Variants in TRPA1 observed in about 807,000 individuals in gnomAD.
The protein encoded by TRPA1 is ankyrin-like with transmembrane domains 1.
A neutral mutation model predicts 131.3 loss-of-function variants in TRPA1; 129 were observed. That is an observed-to-expected ratio of 0.98 (90% CI 0.85 to 1.14). TRPA1 has a LOEUF of 1.14. TRPA1 is among the 50% of genes most tolerant of loss of function. The pLI, the probability that TRPA1 is intolerant of heterozygous loss-of-function variation, is 0.00. For missense variants in TRPA1, 1,304 were observed against 1,354.2 expected, an observed-to-expected ratio of 0.96 and a Z score of 0.58; for synonymous variants, 441 against 451.7, an observed-to-expected ratio of 0.98 and a Z score of 0.30.
chr8:72,080,345 T>G (rs2587565), upstream of TRPA1, among the ~76,000 whole-genome samples: 134,672 of 151,708 alleles, frequency 0.89, 59,982 homozygotes, highest in African/African-American at 0.95. Context: ...AGTGGGTGTT[T>G]AATTTTGTCT....
chr8:72,030,252 C>G (rs1290010393), intron 23 of TRPA1, among the ~76,000 whole-genome samples: 1 of 152,148 alleles, frequency 6.6e-6, no homozygotes, highest in Non-Finnish European at 1.5e-5. Flanking sequence ...CCTCATAGCT[C>G]TTTTATAAGG....
At chr8:72,053,155 T>C (rs1042683804) in intron 13 of TRPA1, 1 of 250,954 alleles carries the variant, frequency 4.0e-6, no homozygotes, top group Admixed American at 5.1e-5. Context: ...AAGAAAATCC[T>C]CCTGAGATTG....
chr8:72,069,156 C>T lies in TRPA1; in HGVS notation c.311G>A (p.Cys104Tyr), dbSNP rs762135236. The T allele has an allele frequency of 6.2e-7, 1 of 1,614,160 alleles. No homozygotes were observed. The highest frequency in any genetic ancestry group is 8.5e-7 in the Non-Finnish European group (1 of 1,180,034). Residue 104 changes from cysteine (C) to tyrosine (Y), a missense_variant, in exon 3 of 27, where the codon TGT becomes TAT. By Grantham distance (194) the Cys-to-Tyr change is radical. Coordinates refer to ENST00000262209, the MANE Select transcript of TRPA1 (RefSeq NM_007332.3). ...MDDYGNTPLH[C>Y]AVEKNQIESV... ...TTCAATTTGGTTTTTTTCTACAGCA[C>T]AATGCAGAGGGGTATTTCCATAATC...
At chr8:72,026,624 C>G (rs1460013842) in intron 24 of TRPA1, among the ~76,000 whole-genome samples, 1 of 152,152 alleles carries the variant, frequency 6.6e-6, no homozygotes, top group African/African-American at 2.4e-5. Flanking sequence ...CATGTCTGTG[C>G]TATCAGGTGC....
intron 26 of TRPA1, 64 bp from the exon 27 acceptor site, chr8:72,023,180 G>A: frequency 7.8e-7 from 1 of 1,274,568 alleles, no homozygotes; most frequent in Non-Finnish European, 1.1e-6. Context: ...TCTGAATGTA[G>A]GAAGGCATAG....
Position 72,038,990 on chromosome 8 carries a change from C to G in TRPA1, c.2170G>C (p.Gly724Arg), listed in dbSNP as rs1293666566. Residue 724 changes from glycine to arginine, a missense_variant, in exon 19 of 27, where the codon GGA (glycine) becomes CGA (arginine). Physicochemically the swap from Gly to Arg is moderately radical, Grantham distance 125. Transcript: ENST00000262209. The part of the protein sequence containing the change: ...YGFRAHMMNL[G>R]SYCLGLIPMT... The stretch of plus-strand genomic sequence containing the variant: ...GGTATGAGACCAAGACAGTAAGATC[C>G]TAAATTCATCATATGAGCTCTAAAT... 6.2e-7 allele frequency: 1 copy of G among 1,612,514 alleles called. No homozygotes were observed. Among genetic ancestry groups the G allele is most frequent in the Non-Finnish European group, 8.5e-7 (1 of 1,179,302 alleles).
chr8:72,082,415 G>A, the TRPA1 span, among the ~76,000 whole-genome samples: 5 of 151,960 alleles, frequency 3.3e-5, no homozygotes, highest in Admixed American at 1.3e-4. Context: ...ACACACACAC[G>A]GACTTTTATA....
intron 4 of TRPA1, among the ~76,000 whole-genome samples, chr8:72,064,266 T>A (rs200857815): frequency 2.6e-3 from 76 of 29,336 alleles, no homozygotes; most frequent in East Asian, 2.3e-3. Flanking sequence ...ATATATATAA[T>A]ATATATATAT....
chr8:72,028,621 A>G lies in TRPA1; in HGVS notation c.2937+1280T>C, dbSNP rs1811691229. On this transcript the variant is annotated intron_variant, in intron 24 of 26. Transcript: ENST00000262209. ...TCTCTGTATAATATACAGCCATGTC[A>G]TAGAACATAGAATTTATGAATGGTT... Among the ~76,000 whole-genome samples, 2 of 152,176 alleles carry G rather than the reference A, an allele frequency of 1.3e-5. 1 individual carries two copies. The highest frequency in any genetic ancestry group is 4.1e-4 in the South Asian group (2 of 4,834).
In TRPA1 at chr8:72,022,965, T is replaced by C; in HGVS notation, c.3301A>G (p.Ser1101Gly). 1 of 1,613,938 alleles carries C rather than the reference T, an allele frequency of 6.2e-7. No homozygotes were observed. The highest frequency in any genetic ancestry group is 8.5e-7 in the Non-Finnish European group (1 of 1,179,868). Reference sequence around the variant, plus strand: ...GCTCTCAACACAGTATTCCATCTGCTATTCCTTTGTTCCATCTGCTCTTTC... The same window carrying C: ...GCTCTCAACACAGTATTCCATCTGCCATTCCTTTGTTCCATCTGCTCTTTC... ...FKKEQMEQRN[S>G]RWNTVLRAVK... is the part of the protein sequence containing the mutation. Residue 1101 changes from serine (S) to glycine (G), a missense_variant, in exon 27 of 27, where the codon AGC (serine) becomes GGC (glycine). Coordinates refer to ENST00000262209, the MANE Select transcript of TRPA1 (RefSeq NM_007332.3).
chr8:72,034,194 A>ATATATT, intron 22 of TRPA1, 54 bp downstream of exon 22: 26 of 1,461,194 alleles, frequency 1.8e-5, no homozygotes, highest in African/African-American at 2.8e-5. Context: ...AAATATAAAT[A>ATATATT]TATATTTCCA....
chr8:72,025,847 C>T, intron 25 of TRPA1, 113 bp downstream of exon 25: 1 of 884,512 alleles, frequency 1.1e-6, no homozygotes, highest in East Asian at 2.6e-5. Flanking sequence ...ACTCCTCTGC[C>T]CACAGGCAGA....
chr8:72,060,888 T>TTTCTAAGAGAATTCTAAGAGAATTCTA (rs1343648323), intron 7 of TRPA1, among the ~76,000 whole-genome samples: 11 of 151,280 alleles, frequency 7.3e-5, no homozygotes, highest in African/African-American at 2.7e-4. Flanking sequence ...AGAGATACTG[T>TTTCTAAGAGAATTCTAAGAGAATTCTA]AGAATTCCAG....
At chr8:72,050,893 G>C (rs370417250) in intron 14 of TRPA1, 22 bp from the exon 15 acceptor site, 171 of 1,493,882 alleles carry the variant, frequency 1.1e-4, no homozygotes, top group Non-Finnish European at 1.5e-4. Flanking sequence ...AAATAAGTAA[G>C]ATAAGCACAG....
At chr8:72,057,612 C>G (rs1255568472) in intron 9 of TRPA1, 105 bp downstream of exon 9, 1 of 901,530 alleles carries the variant, frequency 1.1e-6, no homozygotes, top group Non-Finnish European at 1.9e-6. Context: ...GCCTGGCACA[C>G]AATAGATGGT....
At chr8:72,034,158 A>T in intron 22 of TRPA1, 90 bp downstream of exon 22, 2 of 1,275,388 alleles carry the variant, frequency 1.6e-6, no homozygotes, top group Non-Finnish European at 2.2e-6. Flanking sequence ...TTATGTAATT[A>T]TGCATTTTCT....
the TRPA1 span, among the ~76,000 whole-genome samples, chr8:72,082,840 T>A: frequency 6.6e-6 from 1 of 150,920 alleles, no homozygotes; most frequent in Non-Finnish European, 1.5e-5. Context: ...AGATTAATAC[T>A]TTTTTTTTCA....
upstream of TRPA1, among the ~76,000 whole-genome samples, chr8:72,079,973 G>A (rs1159214274): frequency 3.3e-5 from 5 of 151,910 alleles, no homozygotes; most frequent in Non-Finnish European, 7.4e-5. Flanking sequence ...GCTGTTTACA[G>A]AAATACAATT....
chr8:72,084,927 A>C, the TRPA1 span, among the ~76,000 whole-genome samples: 1 of 151,876 alleles, frequency 6.6e-6, no homozygotes, highest in African/African-American at 2.4e-5. Flanking sequence ...TGGGATTACA[A>C]ACCTGACCTC....
Sources: gnomAD v4.1 joint callset for allele counts (sites outside exome capture counted in the v4.1 genomes callset) on GRCh38, gnomAD v4.1.1 for gene constraint, MANE v1.5 for transcripts, NCBI Gene and HGNC (gene_info 2026-07-23, HGNC 2026-07-21) for gene names.